SS18: variants seen among roughly 807,000 people sequenced by gnomAD.
SS18 encodes the protein SS18 subunit of BAF chromatin remodeling complex.
SS18 carries 28 observed loss-of-function variants against 72.5 expected under a neutral mutation model. The ratio of observed to expected loss-of-function variants is 0.39; its 90% CI spans 0.29 to 0.53. The LOEUF (loss-of-function observed/expected upper bound fraction) is 0.53, where lower values mean the gene tolerates loss of function less well. Among genes scored for constraint, SS18 ranks in the 20% least tolerant of loss-of-function variants. SS18 has a pLI of 0.76. For missense variants in SS18, 518 were observed against 535.3 expected (o/e 0.97, Z 0.32); for synonymous variants, 172 against 164.2 (o/e 1.05, Z -0.37).
chr18:26,037,366 C>T (rs141456417), intron 7 of SS18, among the ~76,000 whole-genome samples: 2 of 151,962 alleles, frequency 1.3e-5, no homozygotes, highest in African/African-American at 4.8e-5. Context: ...TAGAAACAAT[C>T]ATTTATTTTC....
chr18:26,046,077 C>T (rs2053815448), intron 5 of SS18, among the ~76,000 whole-genome samples: 1 of 150,984 alleles, frequency 6.6e-6, no homozygotes, highest in African/African-American at 2.4e-5. Flanking sequence ...ATCCCAGCTA[C>T]TCGGGAAGCT....
At chr18:26,039,917 T>C (rs772079993) in intron 5 of SS18, among the ~76,000 whole-genome samples, 7 of 152,186 alleles carry the variant, frequency 4.6e-5, no homozygotes, top group Non-Finnish European at 1.0e-4. Flanking sequence ...TTTTACTTTG[T>C]TCTCTTTTTC....
rs1383177334 is a variant in SS18 at position 26,052,547 on chromosome 18, A to C, written c.607+77T>G. The C allele has an allele frequency of 2.5e-6, 3 of 1,199,426 alleles. No individual in the cohort carries two copies. In the East Asian group the frequency reaches 7.0e-5, roughly 28 times the overall value. The allele number at this position is 1,199,426 out of a possible 1,614,324, so 74.3% of individuals were successfully genotyped here. A position where few individuals can be genotyped will look rare whatever the true frequency, so the allele number is the denominator to read the frequency against. Reference sequence around the variant, plus strand: ...AACTTTTATTTTTATGAACCAGCTAAGAACCTGACAACAATCATTTTACTT... The same window carrying C: ...AACTTTTATTTTTATGAACCAGCTACGAACCTGACAACAATCATTTTACTT... On this transcript the variant is annotated intron_variant, in intron 5 of 10. Coordinates refer to ENST00000415083, the MANE Select transcript of SS18 (RefSeq NM_001007559.3).
intron 3 of SS18, among the ~76,000 whole-genome samples, chr18:26,074,982 T>A (rs574380262): frequency 3.4e-4 from 51 of 152,056 alleles, no homozygotes; most frequent in African/African-American, 1.2e-3. Context: ...TTCATGCTAA[T>A]TAATGTTCAA....
At chr18:26,090,409 G>T in intron 1 of SS18, 92 bp downstream of exon 1, 3 of 1,323,934 alleles carry the variant, frequency 2.3e-6, no homozygotes, top group Non-Finnish European at 3.2e-6. Context: ...CTCCGCCTCG[G>T]CCCGGTCGAC....
intron 3 of SS18, among the ~76,000 whole-genome samples, chr18:26,068,099 G>C (rs543300691): frequency 2.6e-5 from 4 of 152,238 alleles, no homozygotes; most frequent in East Asian, 1.9e-4. Context: ...TTTGCAGCCC[G>C]GTTCCTAACA....
At chr18:26,071,850 T>C (rs1025862957) in intron 3 of SS18, among the ~76,000 whole-genome samples, 4 of 150,952 alleles carry the variant, frequency 2.6e-5, no homozygotes, top group African/African-American at 9.7e-5. Flanking sequence ...AAAAGAATGA[T>C]GGTGAAATAA....
chr18:26,037,050 T>C (rs2053638049), intron 7 of SS18, among the ~76,000 whole-genome samples: 1 of 152,142 alleles, frequency 6.6e-6, no homozygotes, highest in East Asian at 1.9e-4. Context: ...AACATAAATA[T>C]CCGGACATGA....
chr18:26,020,405 C>T (rs2056973284), intron 10 of SS18, among the ~76,000 whole-genome samples: 1 of 152,086 alleles, frequency 6.6e-6, no homozygotes, highest in African/African-American at 2.4e-5. Flanking sequence ...AAATGCTCCC[C>T]TAGTCAATGT....
chr18:26,077,846 T>C (rs1046225786), intron 3 of SS18, among the ~76,000 whole-genome samples: 9 of 152,106 alleles, frequency 5.9e-5, no homozygotes, highest in Non-Finnish European at 1.3e-4. Context: ...AATAGGTAGG[T>C]AGGTAAACAG....
chr18:26,064,057 T>C (rs2054171299), intron 3 of SS18, among the ~76,000 whole-genome samples: 1 of 152,074 alleles, frequency 6.6e-6, no homozygotes, highest in Admixed American at 6.5e-5. Context: ...ATAATTTAGG[T>C]AAAATGGACA....
chr18:26,090,842 C>T (rs997256224), upstream of SS18: 2 of 524,280 alleles, frequency 3.8e-6, no homozygotes, highest in Non-Finnish European at 6.7e-6. Flanking sequence ...ACCCCCTGGC[C>T]CTTTGCGCTA....
intron 4 of SS18, among the ~76,000 whole-genome samples, chr18:26,055,381 C>T (rs1317046544): frequency 1.3e-5 from 2 of 151,776 alleles, no homozygotes; most frequent in Admixed American, 6.6e-5. Context: ...GCAGGAGAAT[C>T]GCTTGAACCC....
chr18:26,024,980 C>T (rs1388577285), intron 10 of SS18, among the ~76,000 whole-genome samples: 6 of 151,758 alleles, frequency 4.0e-5, no homozygotes, highest in Non-Finnish European at 7.4e-5. Flanking sequence ...TATTCTAATA[C>T]TAATCAAAAG....
upstream of SS18, chr18:26,090,803 C>G (rs1025866382): frequency 5.2e-6 from 3 of 581,452 alleles, no homozygotes; most frequent in South Asian, 2.0e-5. Context: ...CTTGACCGTC[C>G]CTGCATCCCC....
At chr18:26,067,775 T>C (rs565323570) in intron 3 of SS18, among the ~76,000 whole-genome samples, 8 of 152,002 alleles carry the variant, frequency 5.3e-5, no homozygotes, top group East Asian at 1.9e-4. Flanking sequence ...AAGGAGAAAA[T>C]AGTATTATCA....
chr18:26,046,081 G>A (rs1598559335), intron 5 of SS18, among the ~76,000 whole-genome samples: 1 of 151,464 alleles, frequency 6.6e-6, no homozygotes, highest in East Asian at 1.9e-4. Context: ...CAGCTACTCG[G>A]GAAGCTGAGG....
chr18:26,058,399 T>C (rs997586875), intron 3 of SS18, among the ~76,000 whole-genome samples: 2 of 152,196 alleles, frequency 1.3e-5, no homozygotes, highest in Non-Finnish European at 2.9e-5. Context: ...GAAAAACAGA[T>C]ATGAGGTGGT....
chr18:26,043,640 T>C (rs1461394143), intron 5 of SS18, among the ~76,000 whole-genome samples: 2 of 152,230 alleles, frequency 1.3e-5, no homozygotes. Context: ...ATTATACACC[T>C]GTCCACATCA....
Sources: allele counts gnomAD v4.1 joint callset (sites outside exome capture counted in the v4.1 genomes callset), GRCh38; gene constraint gnomAD v4.1.1; transcripts MANE v1.5; gene names NCBI Gene and HGNC (gene_info 2026-07-23, HGNC 2026-07-21).